The following KSR1 variants were observed in gnomAD, a reference collection of about 807,000 sequenced individuals.
KSR1 encodes kinase suppressor of ras.
Under a neutral mutation model 92.9 loss-of-function variants are expected in KSR1, and 35 were observed. That is an observed-to-expected ratio of 0.38 (90% CI 0.29 to 0.50). The LOEUF is 0.50. Among genes scored for constraint, KSR1 ranks in the 20% least tolerant of loss-of-function variants. KSR1 has a pLI of 0.94. For missense variants in KSR1, 972 were observed against 1,158.5 expected, an observed-to-expected ratio of 0.84 and a Z score of 2.34; for synonymous variants, 467 against 472.6, an observed-to-expected ratio of 0.99 and a Z score of 0.15.
At chr17:27,548,762 G>A (rs994466573) in intron 1 of KSR1, among the ~76,000 whole-genome samples, 10 of 152,098 alleles carry the variant, frequency 6.6e-5, no homozygotes, top group South Asian at 4.1e-4. Context: ...CCCAGGAGGC[G>A]GAGGTTGCAG....
intron 10 of KSR1, among the ~76,000 whole-genome samples, chr17:27,598,133 G>C (rs1396112740): frequency 6.6e-6 from 1 of 152,198 alleles, no homozygotes; most frequent in African/African-American, 2.4e-5. Context: ...CCAAGCAGCA[G>C]AGTGAAGCCC....
rs1331995903 is a variant in KSR1, at chr17:27,625,933, G to A, written c.*2541G>A. 1.3e-5 allele frequency: 2 copies of A among 152,228 alleles called. No homozygotes were observed. Among genetic ancestry groups the A allele is most frequent in the African/African-American group, 2.4e-5 (1 of 41,452 alleles). 9.4% of individuals were successfully genotyped at this position (152,228 alleles called of 1,614,324 possible). On this transcript the variant is annotated 3_prime_UTR_variant, in exon 21 of 21. Coordinates refer to ENST00000644974, the MANE Select transcript of KSR1 (RefSeq NM_001394583.1). ...AGCCCCCTGGGTTTCTGTCTAACTC[G>A]AAGTCTTGAATCCTAGCTAGTTTGG... is the stretch of plus-strand genomic sequence containing the variant.
intron 1 of KSR1, among the ~76,000 whole-genome samples, chr17:27,503,744 T>C (rs2069274374): frequency 6.6e-6 from 1 of 152,184 alleles, no homozygotes; most frequent in African/African-American, 2.4e-5. Flanking sequence ...GGGGAAACTT[T>C]TAGTGCTCAT....
In KSR1 at chr17:27,459,372, C is replaced by G. The variant is rs1161640507; in HGVS notation, c.231+2498C>G. Among the ~76,000 whole-genome samples, 1 of 152,212 alleles carries G rather than the reference C, an allele frequency of 6.6e-6. No individual in the cohort carries two copies. Among genetic ancestry groups the G allele is most frequent in the Non-Finnish European group, 1.5e-5 (1 of 68,030 alleles). On this transcript the variant is annotated intron_variant, in intron 1 of 20. Coordinates refer to ENST00000644974, the MANE Select transcript of KSR1 (RefSeq NM_001394583.1). This position sits in a 1 kb window ranked among gnomAD's most constrained non-coding sequence, Gnocchi z 4.6. ...GGACCCTTGCTAGGGAAACTTAACC[C>G]CCTACTTTATGGGTTCAGTAAATCT...
At chr17:27,617,750 A>T in intron 19 of KSR1, 1 of 294,348 alleles carries the variant, frequency 3.4e-6, no homozygotes, top group Admixed American at 4.1e-5. Flanking sequence ...CTGGTCTTGA[A>T]CTCCTGACCT....
intron 10 of KSR1, 50 bp downstream of exon 10, chr17:27,597,486 C>T: frequency 6.5e-7 from 1 of 1,532,468 alleles, no homozygotes; most frequent in Non-Finnish European, 8.8e-7. Context: ...AGTCAGATCC[C>T]CTTCTCAGCA....
At position 27,577,706 on chromosome 17, in the gene KSR1, G is replaced by C. The variant is rs1453899082; in HGVS notation, c.520+67G>C. ...CCCTTGGGGCTGTGGCCTTCACTAT[G>C]GTGGGTGATGGAGCGGGGCAAGCGT... On this transcript the variant is annotated intron_variant, in intron 3 of 20. Transcript: ENST00000644974. The surrounding 1 kb of genome is among the most constrained non-coding windows in gnomAD (Gnocchi z 4.5). 4.6e-6 allele frequency: 6 copies of C among 1,317,096 alleles called. No homozygotes were observed. The South Asian group carries it at 7.6e-5, about 17-fold the overall frequency. The allele number at this position is 1,317,096 out of a possible 1,614,324, so 81.6% of individuals were successfully genotyped here. A position where few individuals can be genotyped will look rare whatever the true frequency, so the allele number is the denominator to read the frequency against.
intron 15 of KSR1, among the ~76,000 whole-genome samples, chr17:27,608,338 C>T (rs1293357413): frequency 6.6e-6 from 1 of 152,172 alleles, no homozygotes; most frequent in Admixed American, 6.5e-5. Context: ...CCTCAGTTTT[C>T]TCCCCTGTAA....
At position 27,483,108 on chromosome 17, in the gene KSR1, A is replaced by G. The variant is rs1375461952; in HGVS notation, c.231+26234A>G. Among the ~76,000 whole-genome samples the G allele has an allele frequency of 3.9e-5, 6 of 152,204 alleles. No individual in the cohort carries two copies. The East Asian group carries it at 1.2e-3, about 29-fold the overall frequency. On this transcript the variant is annotated intron_variant, in intron 1 of 20. Coordinates refer to ENST00000644974, the MANE Select transcript of KSR1 (RefSeq NM_001394583.1). ...CTCATGTGATGTGGTTTGAGTCTAC[A>G]GGTAAAAAAATAGATTTTTTTTTTC...
At chr17:27,584,530 A>G (rs755331331) in intron 4 of KSR1, among the ~76,000 whole-genome samples, 35 of 152,336 alleles carry the variant, frequency 2.3e-4, no homozygotes, top group Admixed American at 3.9e-4. Context: ...AGGAGGCCTC[A>G]CAGTGGGCTC....
Position 27,582,968 on chromosome 17 carries a change from C to A in KSR1, c.843C>A (p.Thr281=). The A allele has an allele frequency of 6.2e-7, 1 of 1,609,260 alleles. No homozygotes were observed. The change falls in exon 4 of 21, where the codon ACC becomes ACA. Residue 281 remains threonine (T), a synonymous_variant. Coordinates refer to ENST00000644974, the MANE Select transcript of KSR1 (RefSeq NM_001394583.1). The stretch of plus-strand genomic sequence containing the variant: ...CCACACCCCAGCTGCGACGGCACAC[C>A]AAGCTGAAGCCACCACGGACGCCCC... The part of the protein sequence containing the change: ...PPTTPQLRRH[T]KLKPPRTPPP...
chr17:27,477,713 CTTCTT>C (rs969902205), intron 1 of KSR1, among the ~76,000 whole-genome samples: 10 of 151,460 alleles, frequency 6.6e-5, no homozygotes, highest in African/African-American at 1.9e-4. Flanking sequence ...TCCCTGTTCT[CTTCTT>C]TTTTTTTTTT....
In KSR1 at chr17:27,583,544, G is replaced by A. The variant is rs773199084; in HGVS notation, c.980+439G>A. Among the ~76,000 whole-genome samples the A allele has an allele frequency of 7.2e-5, 11 of 152,190 alleles. No individual in the cohort carries two copies. In the East Asian group the frequency reaches 7.7e-4, roughly 11 times the overall value. On this transcript the variant is annotated intron_variant, in intron 4 of 20. Transcript: ENST00000644974. ...CCAGATGTCATGCCCTGGCAGCTGC[G>A]TACTCCTTCTTGGAAGTTCCACCCA...
At chr17:27,492,453 A>T (rs1349412647) in intron 1 of KSR1, among the ~76,000 whole-genome samples, 1 of 152,176 alleles carries the variant, frequency 6.6e-6, no homozygotes. Context: ...ATCTTCCTCG[A>T]GAGTCAATAG....
intron 16 of KSR1, 197 bp from the exon 17 acceptor site, chr17:27,609,870 C>T: frequency 1.8e-6 from 1 of 563,530 alleles, no homozygotes; most frequent in South Asian, 2.5e-5. Flanking sequence ...CTAGAAACAA[C>T]CGGTCATGAC....
intron 1 of KSR1, among the ~76,000 whole-genome samples, chr17:27,461,172 C>T (rs1298357593): frequency 2.0e-5 from 3 of 152,192 alleles, no homozygotes; most frequent in Non-Finnish European, 4.4e-5. Context: ...ATCTCAGCCT[C>T]CCAGGTTCAA....
chr17:27,607,862 G>A, intron 14 of KSR1, 52 bp from the exon 15 acceptor site: 7 of 1,389,068 alleles, frequency 5.0e-6, no homozygotes, highest in Non-Finnish European at 7.0e-6. Flanking sequence ...CAGGGTTGGG[G>A]TCAGGCCGCA....
intron 1 of KSR1, among the ~76,000 whole-genome samples, chr17:27,489,556 C>A (rs539103827): frequency 7.9e-4 from 121 of 152,332 alleles, no homozygotes; most frequent in Non-Finnish European, 1.5e-3. Flanking sequence ...TTCCTGGTAA[C>A]CCTGGCTCAT....
At chr17:27,547,201 A>G (rs1414736395) in intron 1 of KSR1, among the ~76,000 whole-genome samples, 2 of 152,162 alleles carry the variant, frequency 1.3e-5, no homozygotes, top group Admixed American at 1.3e-4. Context: ...CTGGGGCCAA[A>G]CTAGTTTTCT....
Sources: allele counts gnomAD v4.1 joint callset (sites outside exome capture counted in the v4.1 genomes callset), GRCh38; gene constraint gnomAD v4.1.1; non-coding constraint Gnocchi (gnomAD v3.1); transcripts MANE v1.5; gene names NCBI Gene and HGNC (gene_info 2026-07-23, HGNC 2026-07-21).